PDLIM5: variants seen among roughly 807,000 people sequenced by gnomAD.
PDLIM5 encodes the protein PDZ and LIM domain protein 5.
A neutral mutation model predicts 64.2 loss-of-function variants in PDLIM5; 34 were observed. That is an observed-to-expected ratio of 0.53 (90% CI 0.40 to 0.71). The LOEUF is 0.71. Ranked by LOEUF, PDLIM5 falls within the 30% of genes least tolerant of loss-of-function variation. The pLI is 0.00. For synonymous variants in PDLIM5, 253 were observed against 269.1 expected (o/e 0.94, Z 0.59); for missense variants, 683 against 733.6 (o/e 0.93, Z 0.80).
chr4:94,653,983 C>T (rs1323538230), intron 9 of PDLIM5, among the ~76,000 whole-genome samples: 2 of 152,010 alleles, frequency 1.3e-5, no homozygotes, highest in Non-Finnish European at 2.9e-5. Context: ...GAGAAATTGT[C>T]TCAGGTAATA....
chr4:94,609,754 T>C (rs978037135), intron 7 of PDLIM5, among the ~76,000 whole-genome samples: 3 of 152,204 alleles, frequency 2.0e-5, no homozygotes, highest in Admixed American at 6.5e-5. Flanking sequence ...GTAAAGCTCA[T>C]TGTATAGAGA....
chr4:94,614,253 G>T (rs545966947), intron 7 of PDLIM5, among the ~76,000 whole-genome samples: 1 of 151,992 alleles, frequency 6.6e-6, no homozygotes. Context: ...GAGCCACCGC[G>T]CCCAGCCAAT....
At chr4:94,645,968 C>T (rs531339564) in intron 9 of PDLIM5, among the ~76,000 whole-genome samples, 19 of 152,172 alleles carry the variant, frequency 1.2e-4, no homozygotes, top group Admixed American at 3.3e-4. Context: ...TCTCATCTCC[C>T]CTCTAAAATT....
At chr4:94,606,669 A>G (rs1737951211) in intron 7 of PDLIM5, among the ~76,000 whole-genome samples, 1 of 151,980 alleles carries the variant, frequency 6.6e-6, no homozygotes, top group Non-Finnish European at 1.5e-5. Flanking sequence ...TTCAGAGTTC[A>G]CTCTGGTAGC....
At position 94,643,993 on chromosome 4, in the gene PDLIM5, G is replaced by A. The variant is rs1741204670; in HGVS notation, c.1283+3543G>A. On this transcript the variant is annotated intron_variant, in intron 9 of 12. Coordinates refer to ENST00000317968, the MANE Select transcript of PDLIM5 (RefSeq NM_006457.5). ...ATGTATTATTAGCCCTTGTATTTAA[G>A]GAAACAACTAAAGACATTGACCAAG... Among the ~76,000 whole-genome samples, 6 of 152,002 alleles carry A rather than the reference G, an allele frequency of 3.9e-5. No individual in the cohort carries two copies. The South Asian group carries it at 1.2e-3, about 31-fold the overall frequency.
chr4:94,520,012 G>T (rs1011587039), intron 2 of PDLIM5, among the ~76,000 whole-genome samples: 1 of 152,106 alleles, frequency 6.6e-6, no homozygotes, highest in East Asian at 1.9e-4. Context: ...AGATCCTTTC[G>T]TACTGAAGTT....
At chr4:94,525,400 G>A (rs529338856) in intron 3 of PDLIM5, among the ~76,000 whole-genome samples, 5 of 151,846 alleles carry the variant, frequency 3.3e-5, no homozygotes, top group African/African-American at 1.2e-4. Flanking sequence ...CCTGGGCAAC[G>A]GAGCGACACT....
At chr4:94,507,138 T>C (rs1368599331) in intron 2 of PDLIM5, among the ~76,000 whole-genome samples, 1 of 152,112 alleles carries the variant, frequency 6.6e-6, no homozygotes, top group Admixed American at 6.6e-5. Flanking sequence ...TACTGGCTTC[T>C]TTCTTCCCCA....
At chr4:94,494,432 G>GTTTTTTTTTTTTTTTTT (rs61675663) in intron 2 of PDLIM5, among the ~76,000 whole-genome samples, 38 of 70,770 alleles carry the variant, frequency 5.4e-4, no homozygotes, top group South Asian at 9.3e-4. Flanking sequence ...TTTTTTTCTT[G>GTTTTTTTTTTTTTTTTT]TTTTTTTTTT....
chr4:94,628,445 T>G (rs1448186073), intron 8 of PDLIM5, among the ~76,000 whole-genome samples: 2 of 152,350 alleles, frequency 1.3e-5, no homozygotes, highest in East Asian at 3.9e-4. Context: ...AGTATCCCAA[T>G]TTTTAAATTT....
chr4:94,654,313 A>G (rs1742052808), intron 9 of PDLIM5, 147 bp from the exon 10 acceptor site: 2 of 592,824 alleles, frequency 3.4e-6, no homozygotes, highest in African/African-American at 1.8e-5. Flanking sequence ...GTGAATTTAC[A>G]ACACCCAACA....
chr4:94,533,033 T>C (rs1410475184), intron 3 of PDLIM5, among the ~76,000 whole-genome samples: 1 of 152,182 alleles, frequency 6.6e-6, no homozygotes, highest in African/African-American at 2.4e-5. Flanking sequence ...AGGGACTGTT[T>C]CGTCAACATC....
At chr4:94,454,083 T>G (rs1723108051) in intron 1 of PDLIM5, among the ~76,000 whole-genome samples, 1 of 152,132 alleles carries the variant, frequency 6.6e-6, no homozygotes, top group Non-Finnish European at 1.5e-5. Context: ...GAATTTGGGG[T>G]GATGGGCTAG....
intron 8 of PDLIM5, among the ~76,000 whole-genome samples, chr4:94,629,255 A>C (rs577571312): frequency 6.6e-6 from 1 of 152,284 alleles, no homozygotes; most frequent in East Asian, 1.9e-4. Flanking sequence ...AGGCTGAGGC[A>C]GGAGGATTGC....
rs189448408 is a variant in PDLIM5 at position 94,586,852 on chromosome 4, A to C, written c.920+408A>C. 5.3e-5 allele frequency: 43 copies of C among 817,858 alleles called. No individual in the cohort carries two copies. The East Asian group carries it at 6.3e-4, about 12-fold the overall frequency. 50.7% of individuals were successfully genotyped at this position (817,858 alleles called of 1,614,324 possible). The stretch of plus-strand genomic sequence containing the variant: ...TCTACCCTTAAAATTTTTGCCACTT[A>C]ATAAAACAGCTATGTGAAATTAAGC... On this transcript the variant is annotated intron_variant, in intron 7 of 12. Transcript: ENST00000317968.
chr4:94,525,450 G>A (rs1394932917), intron 3 of PDLIM5, among the ~76,000 whole-genome samples: 4 of 151,718 alleles, frequency 2.6e-5, no homozygotes, highest in Admixed American at 6.6e-5. Context: ...AAAAAAAAGA[G>A]GGAAATAAAA....
At chr4:94,474,135 G>A (rs1349839028) in intron 2 of PDLIM5, among the ~76,000 whole-genome samples, 2 of 152,188 alleles carry the variant, frequency 1.3e-5, no homozygotes, top group African/African-American at 2.4e-5. Context: ...TTAGGGATTT[G>A]TGAAATAACA....
rs528696417 is a variant in PDLIM5 at position 94,557,781 on chromosome 4, G to T, written c.249-15570G>T. On this transcript the variant is annotated intron_variant, in intron 3 of 12. Transcript: ENST00000317968. ...TGTATCCTGAGACTTTGCTGAAGTT[G>T]CTTATCAGCTTAAGGAGATTTTGGG... is the stretch of plus-strand genomic sequence containing the variant. Among the ~76,000 whole-genome samples the T allele has an allele frequency of 2.2e-3, 329 of 152,264 alleles. 1 individual carries two copies. The highest frequency in any genetic ancestry group is 7.1e-3 in the African/African-American group (297 of 41,552).
At chr4:94,657,327 G>T in intron 10 of PDLIM5, 100 bp from the exon 11 acceptor site, 1 of 760,820 alleles carries the variant, frequency 1.3e-6, no homozygotes. Context: ...GCCTACTTTG[G>T]ATTAGCTCTA....
Sources: allele counts gnomAD v4.1 joint callset (sites outside exome capture counted in the v4.1 genomes callset), GRCh38; gene constraint gnomAD v4.1.1; transcripts MANE v1.5; gene names NCBI Gene and HGNC (gene_info 2026-07-23, HGNC 2026-07-21).